LRRN3: variants seen among roughly 807,000 people sequenced by gnomAD.
The protein encoded by LRRN3 is leucine-rich repeat neuronal protein 3.
A neutral mutation model predicts 40.1 loss-of-function variants in LRRN3; 15 were observed. The observed-to-expected ratio is 0.37, with a 90% CI of 0.25 to 0.58. LRRN3 has a LOEUF of 0.58. Ranked by LOEUF, LRRN3 falls within the 20% of genes least tolerant of loss-of-function variation. The pLI is 0.72. For missense variants in LRRN3, 746 were observed against 837.7 expected (o/e 0.89, Z 1.35); for synonymous variants, 308 against 297.2 (o/e 1.04, Z -0.37).
rs750291309 is a variant in LRRN3, at chr7:111,124,235, C to T, written c.1463C>T (p.Pro488Leu). ...ACACTAGATATAAATGGCGTAACTC[C>T]CAAAGAAGGGGGTTTATATACTTGT... is the stretch of plus-strand genomic sequence containing the variant. ...EGTLDINGVT[P>L]KEGGLYTCIA... The change falls in exon 3 of 3, where the codon CCC becomes CTC. Residue 488 changes from proline (P) to leucine (L), a missense_variant. Coordinates refer to ENST00000308478, the MANE Select transcript of LRRN3 (RefSeq NM_001099658.2). 1.2e-6 allele frequency: 2 copies of T among 1,613,868 alleles called. No homozygotes were observed. The highest frequency in any genetic ancestry group is 1.7e-6 in the Non-Finnish European group (2 of 1,179,966).
At chr7:111,114,133 TACACAC>T (rs71151831) in intron 2 of LRRN3, among the ~76,000 whole-genome samples, 4 of 146,580 alleles carry the variant, frequency 2.7e-5, no homozygotes, top group Admixed American at 6.9e-5. Flanking sequence ...CACATAAATC[TACACAC>T]ACACACACAC....
chr7:111,110,226 T>C (rs1799043390), intron 2 of LRRN3, among the ~76,000 whole-genome samples: 1 of 152,196 alleles, frequency 6.6e-6, no homozygotes, highest in South Asian at 2.1e-4. Flanking sequence ...ATATTAGACA[T>C]GAAGACATCA....
chr7:111,121,412 T>C (rs760340170), intron 2 of LRRN3, among the ~76,000 whole-genome samples: 1 of 152,134 alleles, frequency 6.6e-6, no homozygotes. Flanking sequence ...TTTGGTGTTT[T>C]AGACATGGAT....
At chr7:111,112,850 C>G (rs1799402330) in intron 2 of LRRN3, among the ~76,000 whole-genome samples, 1 of 152,122 alleles carries the variant, frequency 6.6e-6, no homozygotes, top group African/African-American at 2.4e-5. Context: ...ATCAGCTAAC[C>G]CCAGCACACC....
chr7:111,092,151 T>C (rs775668280), intron 1 of LRRN3, among the ~76,000 whole-genome samples: 5 of 152,178 alleles, frequency 3.3e-5, no homozygotes, highest in Non-Finnish European at 5.9e-5. Flanking sequence ...CTGGGGTAAA[T>C]GACTTCCCTT....
At chr7:111,111,353 T>C (rs113510660) in intron 2 of LRRN3, among the ~76,000 whole-genome samples, 2 of 147,268 alleles carry the variant, frequency 1.4e-5, no homozygotes, top group Admixed American at 6.8e-5. Context: ...ACATTGCCCA[T>C]TAACAAAAAT....
chr7:111,098,688 G>A (rs947181811), intron 1 of LRRN3, among the ~76,000 whole-genome samples: 3 of 151,608 alleles, frequency 2.0e-5, no homozygotes, highest in Admixed American at 6.6e-5. Context: ...CATAACGACC[G>A]TACTAAGTAA....
chr7:111,105,581 A>C (rs1798455320), intron 2 of LRRN3, among the ~76,000 whole-genome samples: 1 of 151,856 alleles, frequency 6.6e-6, no homozygotes, highest in African/African-American at 2.4e-5. Flanking sequence ...GGCTGGGGGG[A>C]AAACACCCTT....
chr7:111,124,960 T>G lies in LRRN3; in HGVS notation c.*61T>G. The G allele has an allele frequency of 8.6e-7, 1 of 1,157,448 alleles. No homozygotes were observed. The highest frequency in any genetic ancestry group is 1.2e-6 in the Non-Finnish European group (1 of 826,312). 71.7% of individuals were successfully genotyped at this position (1,157,448 alleles called of 1,614,324 possible). A position where few individuals can be genotyped will look rare whatever the true frequency, so the allele number is the denominator to read the frequency against. On this transcript the variant is annotated 3_prime_UTR_variant, in exon 3 of 3. Coordinates refer to ENST00000308478, the MANE Select transcript of LRRN3 (RefSeq NM_001099658.2). ...AAAAAAAAAAAGCGAAAGACTGCAG[T>G]TGTGCTAAAAACAAAACAAAACAAA...
At chr7:111,101,633 T>C (rs551806752) in intron 2 of LRRN3, among the ~76,000 whole-genome samples, 89 of 151,666 alleles carry the variant, frequency 5.9e-4, no homozygotes, top group African/African-American at 2.0e-3. Context: ...GTCTTGTATA[T>C]TTCCTGTGAA....
In LRRN3 at chr7:111,124,454, A is replaced by C; in HGVS notation, c.1682A>C (p.Glu561Ala). ...AAATGGACAGCCTTTGTCAAGACTG[A>C]AAATTCTCATGCTGCGCAAAGTGCT... The part of the protein sequence containing the change: ...SVKWTAFVKT[E>A]NSHAAQSARI... Residue 561 changes from glutamate (E) to alanine (A), a missense_variant, in exon 3 of 3, where the codon GAA (glutamate) becomes GCA (alanine). Glu to Ala is a moderately radical substitution (Grantham distance 107). Coordinates refer to ENST00000308478, the MANE Select transcript of LRRN3 (RefSeq NM_001099658.2). 1 of 1,613,936 alleles carries C rather than the reference A, an allele frequency of 6.2e-7. No individual in the cohort carries two copies. The highest frequency in any genetic ancestry group is 8.5e-7 in the Non-Finnish European group (1 of 1,179,974).
rs780620458 is a variant in LRRN3, at chr7:111,124,687, A to T, written c.1915A>T (p.Ile639Phe). ...LMACLGGLLG[I>F]IGVICLISCL... ...GGCCTGTCTTGGAGGCCTTCTGGGG[A>T]TTATTGGTGTGATATGTCTTATCAG... The change falls in exon 3 of 3, where the codon ATT (isoleucine) becomes TTT (phenylalanine). Residue 639 changes from isoleucine (I) to phenylalanine (F), a missense_variant. Physicochemically the swap from Ile to Phe is conservative, Grantham distance 21. Transcript: ENST00000308478. 6.2e-6 allele frequency: 10 copies of T among 1,613,944 alleles called. No individual in the cohort carries two copies. Among genetic ancestry groups the T allele is most frequent in the Middle Eastern group, 3.3e-4 (2 of 6,060 alleles).
intron 2 of LRRN3, among the ~76,000 whole-genome samples, chr7:111,116,275 A>G (rs2129585609): frequency 6.6e-6 from 1 of 152,292 alleles, no homozygotes; most frequent in South Asian, 2.1e-4. Context: ...AAAAGTTCTT[A>G]AACATGACAA....
At chr7:111,094,371 A>C (rs185774112) in intron 1 of LRRN3, among the ~76,000 whole-genome samples, 1 of 152,118 alleles carries the variant, frequency 6.6e-6, no homozygotes, top group African/African-American at 2.4e-5. Flanking sequence ...AGACTAAAAA[A>C]TGAGTTCCTA....
chr7:111,097,965 A>C (rs1389440991), intron 1 of LRRN3, among the ~76,000 whole-genome samples: 2 of 151,874 alleles, frequency 1.3e-5, no homozygotes, highest in African/African-American at 4.8e-5. Flanking sequence ...AGATAGAGCA[A>C]GCGAAAAGAG....
At chr7:111,091,754 T>C (rs1796887749) in intron 1 of LRRN3, among the ~76,000 whole-genome samples, 1 of 149,534 alleles carries the variant, frequency 6.7e-6, no homozygotes, top group Non-Finnish European at 1.5e-5. Context: ...AGGATGTGAG[T>C]GGGAGAGAAA....
Position 111,124,928 on chromosome 7 carries a change from T to TAA in LRRN3, c.*29_*30insAA. 5 of 1,198,618 alleles carry TAA rather than the reference T, an allele frequency of 4.2e-6. No homozygotes were observed. Among genetic ancestry groups the TAA allele is most frequent in the South Asian group, 2.9e-5 (1 of 34,526 alleles). 74.2% of individuals were successfully genotyped at this position (1,198,618 alleles called of 1,614,324 possible). ...CCACCAAGGAAACCTACTCCAAAAA[T>TAA]GAACAAAAAAAAAAAAAGCGAAAGA... On this transcript the variant is annotated 3_prime_UTR_variant, in exon 3 of 3. Transcript: ENST00000308478.
At chr7:111,103,677 C>T (rs564073420) in intron 2 of LRRN3, among the ~76,000 whole-genome samples, 38 of 151,804 alleles carry the variant, frequency 2.5e-4, no homozygotes, top group Non-Finnish European at 3.7e-4. Flanking sequence ...CGTATGATGA[C>T]TTCTTAATAT....
intron 2 of LRRN3, among the ~76,000 whole-genome samples, chr7:111,109,111 T>C (rs1281354340): frequency 6.6e-6 from 1 of 152,130 alleles, no homozygotes; most frequent in African/African-American, 2.4e-5. Flanking sequence ...ATATTTTAAG[T>C]AAGGTGGTCC....
Sources: gnomAD v4.1 joint callset for allele counts (sites outside exome capture counted in the v4.1 genomes callset) on GRCh38, gnomAD v4.1.1 for gene constraint, MANE v1.5 for transcripts, NCBI Gene and HGNC (gene_info 2026-07-23, HGNC 2026-07-21) for gene names.